The following CSMD1 variants were observed in gnomAD, a reference collection of about 807,000 sequenced individuals.
CSMD1 encodes CUB and Sushi multiple domains 1, also known as CUB and sushi domain-containing protein 1.
A neutral mutation model predicts 417.5 loss-of-function variants in CSMD1; 213 were observed. The observed-to-expected ratio is 0.51, with a 90% CI of 0.46 to 0.57. The LOEUF (loss-of-function observed/expected upper bound fraction) is 0.57. Among genes scored for constraint, CSMD1 ranks in the 20% least tolerant of loss-of-function variants. CSMD1 has a pLI of 0.00. For missense variants in CSMD1, 6,923 were observed against 4,529.7 expected (o/e 1.53, Z -15.17); for synonymous variants, 2,862 against 1,736.8 (o/e 1.65, Z -16.11).
intron 10 of CSMD1, among the ~76,000 whole-genome samples, chr8:3,545,322 G>A (rs1248616814): frequency 2.0e-5 from 3 of 152,110 alleles, no homozygotes; most frequent in Non-Finnish European, 1.5e-5. Flanking sequence ...ATTCTCTATA[G>A]TACTACATAA....
At chr8:3,939,743 T>C (rs541277693) in intron 5 of CSMD1, among the ~76,000 whole-genome samples, 2 of 152,116 alleles carry the variant, frequency 1.3e-5, no homozygotes, top group East Asian at 3.9e-4. Flanking sequence ...TGGAGACCAT[T>C]AGTCTAAGTG....
intron 3 of CSMD1, among the ~76,000 whole-genome samples, chr8:4,307,282 A>T (rs561722900): frequency 1.3e-5 from 2 of 152,162 alleles, no homozygotes; most frequent in Admixed American, 1.3e-4. Context: ...GATATCTCTC[A>T]CATATATATA....
intron 5 of CSMD1, among the ~76,000 whole-genome samples, chr8:3,986,248 C>A (rs1814311331): frequency 6.6e-6 from 1 of 152,068 alleles, no homozygotes; most frequent in East Asian, 1.9e-4. Flanking sequence ...TTATAACTTC[C>A]CTCGCCTGGC....
chr8:4,993,447 A>C (rs1012125233), intron 1 of CSMD1, among the ~76,000 whole-genome samples: 1 of 152,102 alleles, frequency 6.6e-6, no homozygotes, highest in African/African-American at 2.4e-5. Flanking sequence ...TCTTTCCCGG[A>C]GAATAAACAA....
At chr8:4,970,677 TA>T (rs1228777215) in intron 1 of CSMD1, among the ~76,000 whole-genome samples, 1 of 152,044 alleles carries the variant, frequency 6.6e-6, no homozygotes, top group African/African-American at 2.4e-5. Context: ...AAGTTATAAA[TA>T]AATAGCCTGA....
At chr8:3,823,773 G>A (rs1801882201) in intron 5 of CSMD1, among the ~76,000 whole-genome samples, 1 of 151,962 alleles carries the variant, frequency 6.6e-6, no homozygotes, top group Non-Finnish European at 1.5e-5. Flanking sequence ...AAATACTTTT[G>A]TCAGTCTTGG....
chr8:3,616,742 T>G lies in CSMD1; in HGVS notation c.1065A>C (p.Pro355=). 1 of 1,612,584 alleles carries G rather than the reference T, an allele frequency of 6.2e-7. No homozygotes were observed. Residue 355 remains proline (P), a synonymous_variant, in exon 8 of 70, where the codon CCA becomes CCC. Coordinates refer to ENST00000635120, the MANE Select transcript of CSMD1 (RefSeq NM_033225.6). ...VSDMCPDPGI[P]ENGRRAGSDF... is the part of the protein sequence containing the mutation. Reference sequence around the variant, plus strand: ...CGGAACCTGCTCTTCTACCATTTTCTGGAATCCCAGGATCTGGACACATGT... The same window carrying G: ...CGGAACCTGCTCTTCTACCATTTTCGGGAATCCCAGGATCTGGACACATGT...
intron 3 of CSMD1, among the ~76,000 whole-genome samples, chr8:4,069,595 G>A (rs1177407839): frequency 6.6e-6 from 1 of 152,126 alleles, no homozygotes; most frequent in Non-Finnish European, 1.5e-5. Flanking sequence ...TGGGCCAGTG[G>A]CCACAGCGTA....
intron 7 of CSMD1, among the ~76,000 whole-genome samples, chr8:3,686,560 A>G (rs76337583): frequency 0.034 from 5,134 of 152,292 alleles, 116 homozygotes; most frequent in South Asian, 0.09. Context: ...TTCCCATACG[A>G]AATATACTGT....
At chr8:4,297,289 T>C (rs774868012) in intron 3 of CSMD1, among the ~76,000 whole-genome samples, 1 of 152,152 alleles carries the variant, frequency 6.6e-6, no homozygotes, top group Non-Finnish European at 1.5e-5. Context: ...GAAACAGCCT[T>C]GTATCTTACA....
chr8:4,223,515 C>G (rs895406362), intron 3 of CSMD1, among the ~76,000 whole-genome samples: 37 of 152,332 alleles, frequency 2.4e-4, no homozygotes, highest in African/African-American at 8.2e-4. Flanking sequence ...GCGTAATCTA[C>G]CACACCACTG....
At chr8:4,491,580 G>C (rs575620355) in intron 2 of CSMD1, among the ~76,000 whole-genome samples, 1 of 152,054 alleles carries the variant, frequency 6.6e-6, no homozygotes, top group Non-Finnish European at 1.5e-5. Flanking sequence ...GTGGGCAAAA[G>C]GTCTGAACAG....
At chr8:4,765,479 T>C (rs1053300143) in intron 1 of CSMD1, among the ~76,000 whole-genome samples, 2 of 152,230 alleles carry the variant, frequency 1.3e-5, no homozygotes, top group African/African-American at 4.8e-5. Context: ...CAAAAAGTGT[T>C]TGCAGATGCC....
chr8:4,243,963 T>G (rs1341589992), intron 3 of CSMD1, among the ~76,000 whole-genome samples: 1 of 152,120 alleles, frequency 6.6e-6, no homozygotes, highest in African/African-American at 2.4e-5. Context: ...CAGTAGCAGG[T>G]GGGAACGGGT....
chr8:3,008,814 G>A (rs1220388787), intron 52 of CSMD1, among the ~76,000 whole-genome samples: 1 of 152,176 alleles, frequency 6.6e-6, no homozygotes, highest in Non-Finnish European at 1.5e-5. Flanking sequence ...ATTGTCAGTG[G>A]TGACTTTCTG....
chr8:3,572,535 T>C (rs1365952992), intron 10 of CSMD1, among the ~76,000 whole-genome samples: 1 of 152,212 alleles, frequency 6.6e-6, no homozygotes, highest in African/African-American at 2.4e-5. Context: ...GCAATTCTCA[T>C]AAAACTACCT....
intron 5 of CSMD1, among the ~76,000 whole-genome samples, chr8:3,874,527 T>C (rs534465571): frequency 4.0e-4 from 61 of 152,336 alleles, no homozygotes; most frequent in African/African-American, 7.7e-4. Context: ...TCGGCGTTCA[T>C]TGAAGACATA....
chr8:3,201,693 C>G lies in CSMD1; in HGVS notation c.5017G>C (p.Ala1673Pro), dbSNP rs372065046. The change falls in exon 32 of 70, where the codon GCC becomes CCC. Residue 1673 changes from alanine to proline, a missense_variant. Physicochemically the swap from Ala to Pro is conservative, Grantham distance 27. Transcript: ENST00000635120. The part of the protein sequence containing the change: ...VFGQFAYFQT[A>P]LNDLAELFDG... ...AATAATTCTGCCAAATCATTCAGGG[C>G]TGTCTGGAAATAGGCAAACTGTCCA... is the stretch of plus-strand genomic sequence containing the variant. 3 of 1,603,632 alleles carry G rather than the reference C, an allele frequency of 1.9e-6. No individual in the cohort carries two copies. In the Admixed American group the frequency reaches 5.1e-5, roughly 27 times the overall value.
At chr8:3,923,861 A>C (rs1040457429) in intron 5 of CSMD1, among the ~76,000 whole-genome samples, 2 of 152,208 alleles carry the variant, frequency 1.3e-5, no homozygotes, top group Non-Finnish European at 1.5e-5. Context: ...GAAATCATGC[A>C]GTATTTGTCT....
Sources: allele counts gnomAD v4.1 joint callset (sites outside exome capture counted in the v4.1 genomes callset), GRCh38; gene constraint gnomAD v4.1.1; transcripts MANE v1.5; gene names NCBI Gene and HGNC (gene_info 2026-07-23, HGNC 2026-07-21).